Variants in CERS6 observed in about 807,000 individuals in gnomAD.
CERS6 encodes ceramide synthase 6.
Under a neutral mutation model 56.8 loss-of-function variants are expected in CERS6, and 26 were observed. That is an observed-to-expected ratio of 0.46 (90% CI 0.34 to 0.63). The LOEUF (loss-of-function observed/expected upper bound fraction) is 0.63. Among genes scored for constraint, CERS6 ranks in the 30% least tolerant of loss-of-function variants. The pLI, the probability that CERS6 is intolerant of heterozygous loss-of-function variation, is 0.01. For missense variants in CERS6, 415 were observed against 467.5 expected, an observed-to-expected ratio of 0.89 and a Z score of 1.04; for synonymous variants, 164 against 173.3, an observed-to-expected ratio of 0.95 and a Z score of 0.42.
chr2:168,479,535 A>C (rs1694139695), intron 1 of CERS6, among the ~76,000 whole-genome samples: 1 of 152,218 alleles, frequency 6.6e-6, no homozygotes, highest in South Asian at 2.1e-4. Context: ...ATGCATGCTT[A>C]TGGTATGGCA....
At chr2:168,490,947 C>G (rs970461374) in intron 1 of CERS6, among the ~76,000 whole-genome samples, 1 of 152,190 alleles carries the variant, frequency 6.6e-6, no homozygotes, top group African/African-American at 2.4e-5. Flanking sequence ...CAGCAATTTT[C>G]TTCTTTTCAC....
At chr2:168,741,383 A>G (rs1324880727) in intron 8 of CERS6, among the ~76,000 whole-genome samples, 1 of 152,010 alleles carries the variant, frequency 6.6e-6, no homozygotes, top group Non-Finnish European at 1.5e-5. Context: ...TAAAAAAAAA[A>G]AAAAAAAAAA....
At position 168,772,419 on chromosome 2, in the gene CERS6, A is replaced by G. The variant is rs1413012059; in HGVS notation, c.*2757A>G. 6 of 152,628 alleles carry G rather than the reference A, an allele frequency of 3.9e-5. No homozygotes were observed. Among genetic ancestry groups the G allele is most frequent in the Non-Finnish European group, 5.9e-5 (4 of 68,036 alleles). The allele number at this position is 152,628 out of a possible 1,614,324, so 9.5% of individuals were successfully genotyped here. A position where few individuals can be genotyped will look rare whatever the true frequency, so the allele number is the denominator to read the frequency against. On this transcript the variant is annotated 3_prime_UTR_variant, in exon 10 of 10. Coordinates refer to ENST00000305747, the MANE Select transcript of CERS6 (RefSeq NM_203463.3). ...ATAAAAACATGTGTTCTATTTATGTATATATATGTATGTTTCTCCAAAAAG... is the reference window on the plus strand; with the variant it reads ...ATAAAAACATGTGTTCTATTTATGTGTATATATGTATGTTTCTCCAAAAAG...
intron 6 of CERS6, among the ~76,000 whole-genome samples, chr2:168,698,195 GCA>G (rs1686708970): frequency 8.1e-6 from 1 of 123,814 alleles, no homozygotes; most frequent in African/African-American, 3.0e-5. Context: ...TGGCACCGCC[GCA>G]CTCCAGCCGG....
intron 8 of CERS6, among the ~76,000 whole-genome samples, chr2:168,754,445 T>C (rs1310428180): frequency 6.6e-6 from 1 of 152,212 alleles, no homozygotes; most frequent in East Asian, 1.9e-4. Context: ...GCTTCCTGGA[T>C]GTGGTAGAGA....
intron 3 of CERS6, among the ~76,000 whole-genome samples, chr2:168,562,971 A>G (rs986571719): frequency 6.6e-6 from 1 of 152,178 alleles, no homozygotes. Flanking sequence ...GTCTCAGCAC[A>G]TGTCTACATG....
At chr2:168,645,142 T>TATAGAGAGAG (rs753700977) in intron 4 of CERS6, among the ~76,000 whole-genome samples, 1 of 12,746 alleles carries the variant, frequency 7.8e-5, no homozygotes, top group Non-Finnish European at 1.5e-4. Context: ...TATATATATA[T>TATAGAGAGAG]AGAGAGAGAG....
At chr2:168,718,371 T>C (rs1687280032) in intron 8 of CERS6, among the ~76,000 whole-genome samples, 2 of 152,208 alleles carry the variant, frequency 1.3e-5, no homozygotes, top group Admixed American at 1.3e-4. Context: ...GGATTAGCAG[T>C]AGCAGCATCA....
chr2:168,762,093 A>G (rs1684598002), intron 8 of CERS6, among the ~76,000 whole-genome samples: 1 of 152,136 alleles, frequency 6.6e-6, no homozygotes, highest in Non-Finnish European at 1.5e-5. Flanking sequence ...GAATGAGTGC[A>G]GCAAACCACC....
intron 1 of CERS6, among the ~76,000 whole-genome samples, chr2:168,491,056 G>A (rs1424793970): frequency 6.6e-6 from 1 of 152,202 alleles, no homozygotes; most frequent in Non-Finnish European, 1.5e-5. Flanking sequence ...AAGCCTAGAA[G>A]CAAGGAGTGC....
chr2:168,533,054 G>A (rs1353999096), intron 1 of CERS6, among the ~76,000 whole-genome samples: 1 of 152,116 alleles, frequency 6.6e-6, no homozygotes, highest in Non-Finnish European at 1.5e-5. Context: ...ACCCTAAAAG[G>A]TTATTGCCTT....
chr2:168,474,408 A>G (rs1270447931), intron 1 of CERS6, among the ~76,000 whole-genome samples: 1 of 152,244 alleles, frequency 6.6e-6, no homozygotes, highest in African/African-American at 2.4e-5. Context: ...TGATAAATGC[A>G]TTGAAAACCT....
At chr2:168,621,983 A>G (rs1024365845) in intron 3 of CERS6, among the ~76,000 whole-genome samples, 1 of 152,260 alleles carries the variant, frequency 6.6e-6, no homozygotes, top group Admixed American at 6.5e-5. Flanking sequence ...CATTTAATAC[A>G]TTCTGAGTGA....
intron 1 of CERS6, among the ~76,000 whole-genome samples, chr2:168,487,150 G>A (rs1189726493): frequency 1.3e-5 from 2 of 152,138 alleles, no homozygotes; most frequent in Non-Finnish European, 2.9e-5. Context: ...AAACACACAA[G>A]GTGAGGAAGG....
intron 1 of CERS6, among the ~76,000 whole-genome samples, chr2:168,532,992 A>G (rs1695195056): frequency 6.6e-6 from 1 of 152,242 alleles, no homozygotes; most frequent in South Asian, 2.1e-4. Context: ...TAAAGTGTAT[A>G]TAAGCACAAA....
At chr2:168,660,415 G>A (rs1685600268) in intron 4 of CERS6, among the ~76,000 whole-genome samples, 1 of 152,082 alleles carries the variant, frequency 6.6e-6, no homozygotes, top group South Asian at 2.1e-4. Context: ...GTTTATAAGG[G>A]CCCTGGTAAT....
chr2:168,501,015 A>G (rs1339329341), intron 1 of CERS6, among the ~76,000 whole-genome samples: 2 of 152,248 alleles, frequency 1.3e-5, no homozygotes, highest in Non-Finnish European at 2.9e-5. Context: ...CCCCATTTAC[A>G]TAAGGCAACA....
At chr2:168,476,692 G>T (rs1334691219) in intron 1 of CERS6, among the ~76,000 whole-genome samples, 1 of 152,114 alleles carries the variant, frequency 6.6e-6, no homozygotes, top group East Asian at 1.9e-4. Flanking sequence ...AGGCTGGAGA[G>T]CCTGGGGTCC....
chr2:168,736,975 G>A (rs574749733), intron 8 of CERS6, among the ~76,000 whole-genome samples: 116 of 152,056 alleles, frequency 7.6e-4, no homozygotes, highest in Admixed American at 3.9e-3. Flanking sequence ...CTCTATTTTC[G>A]GTGGATTTGT....
Sources: gnomAD v4.1 joint callset for allele counts (sites outside exome capture counted in the v4.1 genomes callset) on GRCh38, gnomAD v4.1.1 for gene constraint, MANE v1.5 for transcripts, NCBI Gene and HGNC (gene_info 2026-07-23, HGNC 2026-07-21) for gene names.